The following TMEM117 variants were observed in gnomAD, a reference collection of about 807,000 sequenced individuals.
TMEM117 encodes the protein transmembrane protein 117.
A neutral mutation model predicts 52.4 loss-of-function variants in TMEM117; 27 were observed. The ratio of observed to expected loss-of-function variants is 0.51; its 90% confidence interval spans 0.38 to 0.71. TMEM117 has a LOEUF of 0.71. Ranked by LOEUF, TMEM117 falls within the 30% of genes least tolerant of loss-of-function variation. TMEM117 has a pLI of 0.00. For missense variants in TMEM117, 556 were observed against 630.5 expected, an observed-to-expected ratio of 0.88 and a Z score of 1.26; for synonymous variants, 215 against 206.3, an observed-to-expected ratio of 1.04 and a Z score of -0.36.
At position 43,844,771 on chromosome 12, in the gene TMEM117, A is replaced by G; in HGVS notation, c.120A>G (p.Thr40=). The change falls in exon 2 of 8, where the codon ACA becomes ACG. Residue 40 remains threonine, a synonymous_variant. Coordinates refer to ENST00000266534, the MANE Select transcript of TMEM117 (RefSeq NM_032256.3). ...FAEDPVSHSQ[T]EANVIVVGNC... is the part of the protein sequence containing the mutation. ...AGGACCCAGTTTCTCATAGCCAAACAGAAGCCAATGTTATTGTTGTTGGAA... is the reference window on the plus strand; with the variant it reads ...AGGACCCAGTTTCTCATAGCCAAACGGAAGCCAATGTTATTGTTGTTGGAA... 6.2e-7 allele frequency: 1 copy of G among 1,614,226 alleles called. No homozygotes were observed.
intron 2 of TMEM117, among the ~76,000 whole-genome samples, chr12:43,924,131 C>T (rs560060739): frequency 6.6e-6 from 1 of 152,228 alleles, no homozygotes; most frequent in South Asian, 2.1e-4. Flanking sequence ...GTTTTATATA[C>T]TAATCTCTTT....
chr12:44,333,234 G>A (rs1951295881), intron 6 of TMEM117, among the ~76,000 whole-genome samples: 1 of 152,046 alleles, frequency 6.6e-6, no homozygotes, highest in Non-Finnish European at 1.5e-5. Context: ...GCATGGAGTA[G>A]TGTCATTTAT....
chr12:44,079,036 A>T (rs957453541), intron 3 of TMEM117, among the ~76,000 whole-genome samples: 2 of 152,174 alleles, frequency 1.3e-5, no homozygotes, highest in Non-Finnish European at 2.9e-5. Flanking sequence ...TGCAAAGGAC[A>T]TGAACTCATC....
In TMEM117 at chr12:44,025,009, T is replaced by C. The variant is rs563855773; in HGVS notation, c.410+80667T>C. Among the ~76,000 whole-genome samples, 5 of 152,266 alleles carry C rather than the reference T, an allele frequency of 3.3e-5. No individual in the cohort carries two copies. In the South Asian group the frequency reaches 8.3e-4, roughly 25 times the overall value. ...TTTCATGTTACAACCAAAAGGTGACTAAGTTGCTCCACCACATACATAATA... is the reference window on the plus strand; with the variant it reads ...TTTCATGTTACAACCAAAAGGTGACCAAGTTGCTCCACCACATACATAATA... On this transcript the variant is annotated intron_variant, in intron 3 of 7. Coordinates refer to ENST00000266534, the MANE Select transcript of TMEM117 (RefSeq NM_032256.3).
chr12:43,877,143 A>G (rs1278755410), intron 2 of TMEM117, among the ~76,000 whole-genome samples: 9 of 152,194 alleles, frequency 5.9e-5, no homozygotes, highest in Non-Finnish European at 1.3e-4. Flanking sequence ...ATTAAAAATT[A>G]TGCTCATTTG....
intron 6 of TMEM117, among the ~76,000 whole-genome samples, chr12:44,300,917 G>T (rs1461592017): frequency 1.3e-5 from 2 of 152,124 alleles, no homozygotes; most frequent in Non-Finnish European, 2.9e-5. Flanking sequence ...CGTCCCATGG[G>T]TATCTACAGA....
intron 2 of TMEM117, among the ~76,000 whole-genome samples, chr12:43,895,582 C>A (rs544351828): frequency 3.0e-4 from 45 of 152,232 alleles, no homozygotes; most frequent in Non-Finnish European, 5.7e-4. Flanking sequence ...GTGAATGACA[C>A]CATCTTCAAT....
chr12:43,860,638 G>A (rs1370669617), intron 2 of TMEM117, among the ~76,000 whole-genome samples: 2 of 152,152 alleles, frequency 1.3e-5, no homozygotes, highest in Non-Finnish European at 2.9e-5. Flanking sequence ...GAGCAGTGGT[G>A]TGTTGAGAGT....
At chr12:44,306,411 G>GGT (rs1320771780) in intron 6 of TMEM117, among the ~76,000 whole-genome samples, 4 of 152,008 alleles carry the variant, frequency 2.6e-5, no homozygotes, top group Non-Finnish European at 1.5e-5. Context: ...TATATGTGCA[G>GGT]GTGTGTGTGT....
intron 5 of TMEM117, among the ~76,000 whole-genome samples, chr12:44,289,255 G>T (rs1181997875): frequency 1.4e-5 from 2 of 146,444 alleles, no homozygotes; most frequent in South Asian, 4.3e-4. Flanking sequence ...GTGTGTGTGT[G>T]TGTGTGTGTG....
chr12:44,177,425 C>T (rs1034443570), intron 4 of TMEM117, among the ~76,000 whole-genome samples: 9 of 152,188 alleles, frequency 5.9e-5, no homozygotes, highest in Non-Finnish European at 1.5e-5. Flanking sequence ...CACACATAAT[C>T]ATAAGCACAG....
intron 3 of TMEM117, among the ~76,000 whole-genome samples, chr12:43,978,697 G>A (rs114826743): frequency 0.019 from 2,825 of 152,160 alleles, 95 homozygotes; most frequent in African/African-American, 0.064. Flanking sequence ...AGAGATAGGG[G>A]CATTATTGCT....
At chr12:44,266,955 C>T (rs1487701720) in intron 5 of TMEM117, among the ~76,000 whole-genome samples, 3 of 152,048 alleles carry the variant, frequency 2.0e-5, no homozygotes, top group Non-Finnish European at 4.4e-5. Flanking sequence ...TTTGGATTCT[C>T]AATTCTGTTT....
At chr12:43,839,789 GAACA>G (rs1943089192) in intron 1 of TMEM117, among the ~76,000 whole-genome samples, 1 of 152,208 alleles carries the variant, frequency 6.6e-6, no homozygotes, top group Admixed American at 6.5e-5. Context: ...GGTAAATGTT[GAACA>G]AATGAATGAA....
intron 3 of TMEM117, among the ~76,000 whole-genome samples, chr12:44,074,973 T>A (rs1947358616): frequency 6.6e-6 from 1 of 152,200 alleles, no homozygotes; most frequent in Non-Finnish European, 1.5e-5. Flanking sequence ...CATTATTGTT[T>A]CTTGTCATTT....
intron 4 of TMEM117, among the ~76,000 whole-genome samples, chr12:44,197,192 G>T (rs2138358229): frequency 6.6e-6 from 1 of 152,242 alleles, no homozygotes; most frequent in South Asian, 2.1e-4. Flanking sequence ...TTCCCTTTGA[G>T]AAAATATTTG....
At chr12:43,919,220 G>A (rs759953085) in intron 2 of TMEM117, among the ~76,000 whole-genome samples, 4 of 152,176 alleles carry the variant, frequency 2.6e-5, no homozygotes, top group Non-Finnish European at 5.9e-5. Context: ...TCTAGGTATA[G>A]CGTTGTACAG....
intron 2 of TMEM117, among the ~76,000 whole-genome samples, chr12:43,916,124 G>A (rs1592360587): frequency 6.6e-6 from 1 of 152,276 alleles, no homozygotes; most frequent in Non-Finnish European, 1.5e-5. Context: ...CACCAGAAGA[G>A]GGGAGGCATG....
the TMEM117 span, chr12:43,806,214 C>A: frequency 6.5e-7 from 1 of 1,540,380 alleles, no homozygotes; most frequent in East Asian, 2.5e-5. Flanking sequence ...GCGCCGGGCG[C>A]TGTTACCTTG....
Sources: allele counts gnomAD v4.1 joint callset (sites outside exome capture counted in the v4.1 genomes callset), GRCh38; gene constraint gnomAD v4.1.1; transcripts MANE v1.5; gene names NCBI Gene and HGNC (gene_info 2026-07-23, HGNC 2026-07-21).